The following RGS7 variants were observed in gnomAD, a reference collection of about 807,000 sequenced individuals.
RGS7 encodes regulator of G-protein signaling 7.
Under a neutral mutation model 81.1 loss-of-function variants are expected in RGS7, and 27 were observed. That is an observed-to-expected ratio of 0.33 (90% CI 0.25 to 0.46). The LOEUF (loss-of-function observed/expected upper bound fraction) is 0.46. Among genes scored for constraint, RGS7 ranks in the 20% least tolerant of loss-of-function variants. RGS7 has a pLI of 1.00. For synonymous variants in RGS7, 208 were observed against 207.7 expected, an observed-to-expected ratio of 1.00 and a Z score of -0.01; for missense variants, 396 against 607.4, an observed-to-expected ratio of 0.65 and a Z score of 3.66.
intron 3 of RGS7, among the ~76,000 whole-genome samples, chr1:241,022,365 G>A (rs964102149): frequency 2.6e-5 from 4 of 152,058 alleles, no homozygotes; most frequent in African/African-American, 2.4e-5. Flanking sequence ...GTCCTTTCCC[G>A]CAACCAACCC....
Position 240,850,803 on chromosome 1 carries a change from T to C in RGS7, c.609+17784A>G, listed in dbSNP as rs150045968. Among the ~76,000 whole-genome samples, 1,038 of 152,266 alleles carry C rather than the reference T, an allele frequency of 6.8e-3. 4 individuals are homozygous for C. Among genetic ancestry groups the C allele is most frequent in the Non-Finnish European group, 0.01 (697 of 68,028 alleles). On this transcript the variant is annotated intron_variant, in intron 9 of 18. Transcript: ENST00000440928. ...AGCCTTACTGTTGATAGGAAGAGGT[T>C]TGAGTGGTCTACATAGAAGACCAAA...
intron 4 of RGS7, among the ~76,000 whole-genome samples, chr1:240,959,723 G>A (rs1681038955): frequency 6.6e-6 from 1 of 152,032 alleles, no homozygotes; most frequent in African/African-American, 2.4e-5. Context: ...TTATTAAATT[G>A]CAAATACATA....
At chr1:241,275,266 G>C (rs1046603735) in intron 2 of RGS7, among the ~76,000 whole-genome samples, 4 of 152,218 alleles carry the variant, frequency 2.6e-5, no homozygotes, top group Admixed American at 6.5e-5. Context: ...TTGACCTGAG[G>C]CTGATAAAAC....
chr1:241,296,799 T>C (rs1461594173), intron 2 of RGS7, among the ~76,000 whole-genome samples: 1 of 152,236 alleles, frequency 6.6e-6, no homozygotes, highest in African/African-American at 2.4e-5. Context: ...ATTTGAGATA[T>C]TTTCTATAAT....
rs553405901 is a variant in RGS7, at chr1:240,868,078, G to T, written c.609+509C>A. ...AAGAAAGAAAAGAAGAGAAAAGAAA[G>T]AAAGAAAAAGAAAGAAAAGAAAAAG... is the stretch of plus-strand genomic sequence containing the variant. On this transcript the variant is annotated intron_variant, in intron 9 of 18. Coordinates refer to ENST00000440928, the MANE Select transcript of RGS7 (RefSeq NM_001364886.1). This position sits in a 1 kb window ranked among gnomAD's most constrained non-coding sequence, Gnocchi z 5.1. Among the ~76,000 whole-genome samples, 2 of 115,794 alleles carry T rather than the reference G, an allele frequency of 1.7e-5. No individual in the cohort carries two copies. Among genetic ancestry groups the T allele is most frequent in the Non-Finnish European group, 3.8e-5 (2 of 51,974 alleles). 76.0% of individuals were successfully genotyped at this position (115,794 alleles called of 152,430 possible).
chr1:241,338,438 A>G (rs938946302), intron 2 of RGS7, among the ~76,000 whole-genome samples: 2 of 152,198 alleles, frequency 1.3e-5, no homozygotes, highest in East Asian at 1.9e-4. Context: ...AGACATTACA[A>G]GAAAAGATTC....
chr1:241,236,703 C>T (rs1448736296), intron 2 of RGS7, among the ~76,000 whole-genome samples: 1 of 152,114 alleles, frequency 6.6e-6, no homozygotes, highest in African/African-American at 2.4e-5. Context: ...TATTGCCACA[C>T]CCAAGTTCGA....
chr1:240,998,701 T>G, intron 3 of RGS7: 1 of 1,138,744 alleles, frequency 8.8e-7, no homozygotes, highest in South Asian at 1.2e-5. Flanking sequence ...GCTGCTTTAA[T>G]GAGGGCATTG....
intron 2 of RGS7, among the ~76,000 whole-genome samples, chr1:241,143,630 G>A (rs768865993): frequency 2.0e-5 from 3 of 152,216 alleles, no homozygotes; most frequent in Non-Finnish European, 4.4e-5. Flanking sequence ...AATTCAAGAT[G>A]AGATCTGGGT....
rs1162025374 is a variant in RGS7, at chr1:241,119,877, AG to A, written c.79-21116del. ...CAAATATTCATGTCTGAAACAGCAG[AG>A]CTTGTCTTTCAGTTATTCTTTCAAG... On this transcript the variant is annotated intron_variant, in intron 2 of 18. Coordinates refer to ENST00000440928, the MANE Select transcript of RGS7 (RefSeq NM_001364886.1). 7.4e-3 allele frequency among the ~76,000 whole-genome samples: 1,134 copies of A among 152,318 alleles called. 9 individuals carry two copies. The highest frequency in any genetic ancestry group is 0.026 in the African/African-American group (1,086 of 41,566).
At position 241,098,679 on chromosome 1, in the gene RGS7, A is replaced by G. The variant is rs2064477972; in HGVS notation, c.162T>C (p.Pro54=). 1.9e-6 allele frequency: 3 copies of G among 1,611,606 alleles called. No homozygotes were observed. In the African/African-American group the frequency reaches 4.0e-5, roughly 22 times the overall value. ...ATGCAGACTTACCAGAGAAGACGCT[A>G]GGTATCTTGGAAAGAAAGCTTTTGA... ...RTVKSFLSKI[P]SVFSGSDIVQ... is the part of the protein sequence containing the mutation. The change falls in exon 3 of 19, where the codon CCT becomes CCC. Residue 54 remains proline (P), a synonymous_variant. Transcript: ENST00000440928.
At chr1:241,318,613 T>C (rs185764584) in intron 2 of RGS7, among the ~76,000 whole-genome samples, 1 of 152,162 alleles carries the variant, frequency 6.6e-6, no homozygotes, top group East Asian at 1.9e-4. Flanking sequence ...TGTGCCACCA[T>C]ACCTGGCTAA....
In RGS7 at chr1:240,972,886, T is replaced by C. The variant is rs113826051; in HGVS notation, c.226+10193A>G. 6.9e-3 allele frequency among the ~76,000 whole-genome samples: 982 copies of C among 142,666 alleles called. 16 individuals carry two copies. Among genetic ancestry groups the C allele is most frequent in the African/African-American group, 0.024 (935 of 38,500 alleles). The allele number at this position is 142,666 out of a possible 152,430, so 93.6% of individuals were successfully genotyped here. On this transcript the variant is annotated intron_variant, in intron 4 of 18. Transcript: ENST00000440928. ...AAAAAAAAAATTAAAATCAACTAAC[T>C]AAATGAATAAATATCAGCTGAGTGT...
At chr1:241,352,118 C>A (rs908232958) in intron 2 of RGS7, among the ~76,000 whole-genome samples, 3 of 152,150 alleles carry the variant, frequency 2.0e-5, no homozygotes, top group African/African-American at 7.2e-5. Flanking sequence ...GTGCTGCCCC[C>A]ACAAAGGAGA....
intron 3 of RGS7, among the ~76,000 whole-genome samples, chr1:241,088,450 A>T (rs567987556): frequency 6.6e-6 from 1 of 152,126 alleles, no homozygotes; most frequent in Non-Finnish European, 1.5e-5. Flanking sequence ...AAAGCAGGAC[A>T]TAGGTAAACG....
At chr1:241,129,611 G>T (rs769401278) in intron 2 of RGS7, among the ~76,000 whole-genome samples, 3 of 152,150 alleles carry the variant, frequency 2.0e-5, no homozygotes, top group African/African-American at 7.2e-5. Flanking sequence ...AATAATCACC[G>T]GCAGAGAGAA....
At chr1:241,032,329 C>T (rs537094643) in intron 3 of RGS7, among the ~76,000 whole-genome samples, 4 of 152,162 alleles carry the variant, frequency 2.6e-5, no homozygotes, top group Admixed American at 2.6e-4. Flanking sequence ...GTTCCATTGA[C>T]CTATGTGTCT....
At chr1:241,129,364 A>C (rs2066916997) in intron 2 of RGS7, among the ~76,000 whole-genome samples, 1 of 152,098 alleles carries the variant, frequency 6.6e-6, no homozygotes, top group Non-Finnish European at 1.5e-5. Flanking sequence ...AGGCAGGATG[A>C]TTTCAGATTT....
chr1:240,857,849 T>A (rs563148353), intron 9 of RGS7, among the ~76,000 whole-genome samples: 41 of 152,156 alleles, frequency 2.7e-4, no homozygotes, highest in African/African-American at 9.4e-4. Context: ...ATGGGGGTGG[T>A]TACCCCCACG....
Sources: gnomAD v4.1 joint callset for allele counts (sites outside exome capture counted in the v4.1 genomes callset) on GRCh38, gnomAD v4.1.1 for gene constraint, Gnocchi (gnomAD v3.1) non-coding constraint, MANE v1.5 for transcripts, NCBI Gene and HGNC (gene_info 2026-07-23, HGNC 2026-07-21) for gene names.